Variants in SORCS3 observed in about 807,000 individuals in gnomAD.
SORCS3 encodes the protein sortilin related VPS10 domain containing receptor 3, also known as VPS10 domain-containing receptor SorCS3.
Under a neutral mutation model 146.3 loss-of-function variants are expected in SORCS3, and 57 were observed. That is an observed-to-expected ratio of 0.39 (90% CI 0.31 to 0.49). SORCS3 has a LOEUF of 0.49. SORCS3 is among the 20% of genes least tolerant of loss of function. The pLI, the probability that SORCS3 is intolerant of heterozygous loss-of-function variation, is 0.92. For synonymous variants in SORCS3, 653 were observed against 618.5 expected, an observed-to-expected ratio of 1.06 and a Z score of -0.83; for missense variants, 1,341 against 1,575.5, an observed-to-expected ratio of 0.85 and a Z score of 2.52.
chr10:105,073,120 A>G (rs1230070405), intron 5 of SORCS3, among the ~76,000 whole-genome samples: 1 of 145,554 alleles, frequency 6.9e-6, no homozygotes, highest in Non-Finnish European at 1.5e-5. Context: ...TTACTACCTC[A>G]TAATAAAATG....
intron 1 of SORCS3, among the ~76,000 whole-genome samples, chr10:104,722,122 G>C (rs1413854060): frequency 4.6e-5 from 7 of 152,154 alleles, no homozygotes. Flanking sequence ...GTTTGTCATA[G>C]ATAGCTCTTA....
At chr10:104,904,881 C>G (rs2018889119) in intron 2 of SORCS3, among the ~76,000 whole-genome samples, 1 of 151,426 alleles carries the variant, frequency 6.6e-6, no homozygotes, top group South Asian at 2.1e-4. Context: ...TTATCCAAGG[C>G]TGTGGTAACC....
intron 6 of SORCS3, among the ~76,000 whole-genome samples, chr10:105,095,150 A>G (rs1445793584): frequency 6.6e-6 from 1 of 152,162 alleles, no homozygotes; most frequent in African/African-American, 2.4e-5. Flanking sequence ...AGGAAGAGAT[A>G]GATGAAAAGC....
chr10:105,159,069 T>C (rs1589661947), intron 11 of SORCS3, 75 bp downstream of exon 11: 3 of 1,041,490 alleles, frequency 2.9e-6, no homozygotes, highest in East Asian at 2.5e-5. Context: ...TTTTGGATCA[T>C]GGACTCACTT....
At chr10:105,243,263 G>C (rs940879479) in intron 20 of SORCS3, among the ~76,000 whole-genome samples, 1 of 151,750 alleles carries the variant, frequency 6.6e-6, no homozygotes, top group African/African-American at 2.4e-5. Flanking sequence ...AGTCCTCACA[G>C]ATCACCTAAC....
chr10:104,990,817 G>T (rs2054989562), intron 4 of SORCS3, among the ~76,000 whole-genome samples: 1 of 152,116 alleles, frequency 6.6e-6, no homozygotes, highest in African/African-American at 2.4e-5. Context: ...GCAAGGAAAT[G>T]GTTTTTCCCC....
In SORCS3 at chr10:105,089,803, G is replaced by A. The variant is rs2055689090; in HGVS notation, c.1057G>A (p.Asp353Asn). The A allele has an allele frequency of 6.2e-7, 1 of 1,614,018 alleles. No homozygotes were observed. The highest frequency in any genetic ancestry group is 8.5e-7 in the Non-Finnish European group (1 of 1,180,004). ...GGTGGCCGGATTGGATAAGGAGGCG[G>A]ACCTGGTGCACATGGAGGTGCGGAC... ...WSVAGLDKEADLVHMEVRTTD... is the reference protein window; with the variant it reads ...WSVAGLDKEANLVHMEVRTTD... The change falls in exon 6 of 27, where the codon GAC (aspartate) becomes AAC (asparagine). Residue 353 changes from aspartate (D) to asparagine (N), a missense_variant. Transcript: ENST00000369701.
intron 5 of SORCS3, among the ~76,000 whole-genome samples, chr10:105,047,485 G>C (rs1194983351): frequency 1.3e-5 from 2 of 152,042 alleles, no homozygotes; most frequent in African/African-American, 2.4e-5. Flanking sequence ...AAATTGTGCT[G>C]ATAAAGTAAT....
chr10:105,099,912 G>A (rs2055771525), intron 6 of SORCS3, among the ~76,000 whole-genome samples: 2 of 152,152 alleles, frequency 1.3e-5, no homozygotes, highest in South Asian at 4.1e-4. Flanking sequence ...CCTGTCTGAT[G>A]TTCTCTGCTT....
chr10:104,698,507 G>A (rs1338226569), intron 1 of SORCS3, among the ~76,000 whole-genome samples: 4 of 152,206 alleles, frequency 2.6e-5, no homozygotes, highest in Non-Finnish European at 5.9e-5. Flanking sequence ...TGCCACACCC[G>A]TGTTTCAACC....
At chr10:105,218,876 G>A (rs78842430) in intron 19 of SORCS3, among the ~76,000 whole-genome samples, 13 of 152,158 alleles carry the variant, frequency 8.5e-5, no homozygotes, top group South Asian at 2.1e-4. Context: ...TTAGCCGGGC[G>A]TTTTGGCACA....
At chr10:104,665,878 G>T (rs909315051) in intron 1 of SORCS3, 1 of 152,146 alleles carries the variant, frequency 6.6e-6, no homozygotes, top group Non-Finnish European at 1.5e-5. Context: ...GCAATCTAAG[G>T]CTCTGGTAAG....
chr10:105,031,952 G>T lies in SORCS3; in HGVS notation c.955-11103G>T, dbSNP rs185242320. Reference sequence around the variant, plus strand: ...TCATACCTGTAATCCCAGCACTTTGGAAGGCCGAGGCAGGCAGATCACTTG... The same window carrying T: ...TCATACCTGTAATCCCAGCACTTTGTAAGGCCGAGGCAGGCAGATCACTTG... On this transcript the variant is annotated intron_variant, in intron 4 of 26. Coordinates refer to ENST00000369701, the MANE Select transcript of SORCS3 (RefSeq NM_014978.3). Among the ~76,000 whole-genome samples, 3 of 152,250 alleles carry T rather than the reference G, an allele frequency of 2.0e-5. No individual in the cohort carries two copies. The East Asian group carries it at 5.8e-4, about 29-fold the overall frequency.
Position 105,171,260 on chromosome 10 carries a change from A to G in SORCS3, c.1901+3911A>G, listed in dbSNP as rs2056357502. Reference sequence around the variant, plus strand: ...GTGAACGCAAAACAGCATACAAATGAATCCATCTGTTTGTGACCATGTACT... The same window carrying G: ...GTGAACGCAAAACAGCATACAAATGGATCCATCTGTTTGTGACCATGTACT... On this transcript the variant is annotated intron_variant, in intron 13 of 26. Transcript: ENST00000369701. Among the ~76,000 whole-genome samples the G allele has an allele frequency of 2.0e-5, 3 of 152,334 alleles. No homozygotes were observed. In the South Asian group the frequency reaches 6.2e-4, roughly 32 times the overall value.
At chr10:105,211,883 T>C (rs1042685750) in intron 17 of SORCS3, among the ~76,000 whole-genome samples, 29 of 152,204 alleles carry the variant, frequency 1.9e-4, no homozygotes, top group African/African-American at 6.0e-4. Flanking sequence ...ACCTCTCAAA[T>C]GTTAATGTGC....
intron 9 of SORCS3, among the ~76,000 whole-genome samples, chr10:105,153,687 C>T (rs1042723365): frequency 1.3e-5 from 2 of 150,450 alleles, no homozygotes; most frequent in Non-Finnish European, 3.0e-5. Flanking sequence ...GTAGCTGTTC[C>T]GATGGGGATT....
chr10:104,677,761 C>T (rs1194393890), intron 1 of SORCS3, among the ~76,000 whole-genome samples: 1 of 152,068 alleles, frequency 6.6e-6, no homozygotes, highest in Non-Finnish European at 1.5e-5. Flanking sequence ...CACCTATATC[C>T]CACCCCAGTA....
At chr10:104,682,191 G>C (rs560844732) in intron 1 of SORCS3, among the ~76,000 whole-genome samples, 187 of 152,304 alleles carry the variant, frequency 1.2e-3, no homozygotes, top group Non-Finnish European at 1.6e-3. Context: ...GAAATTTAGT[G>C]GCCTCTCCAG....
chr10:104,953,416 G>A (rs1186660324), intron 3 of SORCS3, among the ~76,000 whole-genome samples: 2 of 152,192 alleles, frequency 1.3e-5, no homozygotes, highest in East Asian at 3.9e-4. Context: ...TCAACCTCAT[G>A]TATATATTAG....
Sources: allele counts gnomAD v4.1 joint callset (sites outside exome capture counted in the v4.1 genomes callset), GRCh38; gene constraint gnomAD v4.1.1; transcripts MANE v1.5; gene names NCBI Gene and HGNC (gene_info 2026-07-23, HGNC 2026-07-21).